Variants in OCA2 observed in about 807,000 individuals in gnomAD.
OCA2 encodes the protein P protein.
OCA2 carries 77 observed loss-of-function variants against 100.2 expected under a neutral mutation model. That is an observed-to-expected ratio of 0.77 (90% CI 0.64 to 0.93). The LOEUF is 0.93. Among genes scored for constraint, OCA2 ranks in the 40% least tolerant of loss-of-function variants. The pLI is 0.00. For synonymous variants in OCA2, 432 were observed against 439.2 expected, an observed-to-expected ratio of 0.98 and a Z score of 0.21; for missense variants, 1,062 against 1,089.1, an observed-to-expected ratio of 0.98 and a Z score of 0.35.
intron 19 of OCA2, among the ~76,000 whole-genome samples, chr15:27,876,124 G>C (rs1397933966): frequency 6.6e-6 from 1 of 152,066 alleles, no homozygotes; most frequent in Non-Finnish European, 1.5e-5. Flanking sequence ...TTTTCGCCAT[G>C]AAGTATAAGG....
chr15:28,067,724 T>C (rs1475624602), intron 2 of OCA2, among the ~76,000 whole-genome samples: 1 of 152,212 alleles, frequency 6.6e-6, no homozygotes, highest in East Asian at 1.9e-4. Flanking sequence ...TCGATTTCTT[T>C]TGAATTTATT....
chr15:27,734,286 C>CAAA, the OCA2 span, among the ~76,000 whole-genome samples: 2,452 of 76,282 alleles, frequency 0.032, 156 homozygotes, highest in African/African-American at 0.045. Context: ...TTTTCAAGAG[C>CAAA]AAAAAAAAAA....
At chr15:27,924,954 C>A (rs1228618383) in intron 19 of OCA2, among the ~76,000 whole-genome samples, 1 of 152,212 alleles carries the variant, frequency 6.6e-6, no homozygotes, top group East Asian at 1.9e-4. Context: ...ATACCAGTAT[C>A]AGGCAAATAG....
chr15:27,896,132 T>C, intron 19 of OCA2: 1 of 1,012,152 alleles, frequency 9.9e-7, no homozygotes, highest in African/African-American at 1.6e-5. Context: ...GCTATATGGA[T>C]GCAGGCCTTG....
chr15:27,789,345 CT>C (rs561149021), intron 23 of OCA2, among the ~76,000 whole-genome samples: 38 of 152,086 alleles, frequency 2.5e-4, no homozygotes, highest in African/African-American at 8.9e-4. Context: ...CTGGTCATAT[CT>C]TTTTTCAACA....
chr15:27,855,628 G>A (rs1219970481), intron 21 of OCA2, among the ~76,000 whole-genome samples: 1 of 152,136 alleles, frequency 6.6e-6, no homozygotes, highest in Non-Finnish European at 1.5e-5. Context: ...CCACTGGATG[G>A]GACCATGTTA....
chr15:28,065,770 T>G (rs2044005159), intron 2 of OCA2, among the ~76,000 whole-genome samples: 1 of 152,200 alleles, frequency 6.6e-6, no homozygotes, highest in African/African-American at 2.4e-5. Context: ...GAAGGCTCTC[T>G]ACTTATCTAA....
At chr15:28,054,386 A>C (rs1595886049) in intron 2 of OCA2, among the ~76,000 whole-genome samples, 1 of 152,074 alleles carries the variant, frequency 6.6e-6, no homozygotes, top group Non-Finnish European at 1.5e-5. Context: ...TCCTCTGGAG[A>C]TGGCCAAATG....
In OCA2 at chr15:27,983,612, G is replaced by T. The variant is rs114307179; in HGVS notation, c.1365-129C>A. 7.5e-4 allele frequency: 733 copies of T among 983,834 alleles called. 2 individuals carry two copies. In the African/African-American group the frequency reaches 0.011, roughly 14 times the overall value. 60.9% of individuals were successfully genotyped at this position (983,834 alleles called of 1,614,324 possible). ...GCGCACACACACACACCCCTGTGGG[G>T]AAGGCAGTGCTGGGGGGAATGAACA... On this transcript the variant is annotated intron_variant, in intron 13 of 23. Transcript: ENST00000354638.
intron 17 of OCA2, among the ~76,000 whole-genome samples, chr15:27,954,529 A>G (rs1305553592): frequency 6.6e-6 from 1 of 152,126 alleles, no homozygotes; most frequent in African/African-American, 2.4e-5. Flanking sequence ...GCCCATCAAA[A>G]TTAGAGTGGG....
At chr15:27,794,339 G>A (rs574333011) in intron 23 of OCA2, among the ~76,000 whole-genome samples, 141 of 152,272 alleles carry the variant, frequency 9.3e-4, no homozygotes, top group African/African-American at 3.2e-3. Context: ...GGAAGAGTGC[G>A]CTCAGGAGGA....
At chr15:27,832,894 CCT>C (rs1173308714) in intron 23 of OCA2, among the ~76,000 whole-genome samples, 2 of 148,418 alleles carry the variant, frequency 1.3e-5, no homozygotes, top group African/African-American at 4.9e-5. Flanking sequence ...GTCACTGCAC[CCT>C]CTGTTTCCCG....
chr15:28,027,231 G>A (rs1210212110), intron 4 of OCA2, among the ~76,000 whole-genome samples: 1 of 152,094 alleles, frequency 6.6e-6, no homozygotes, highest in Admixed American at 6.5e-5. Flanking sequence ...ACACGCATGC[G>A]TACTCCCACT....
intron 2 of OCA2, among the ~76,000 whole-genome samples, chr15:28,045,720 T>A (rs2043327963): frequency 6.6e-6 from 1 of 152,210 alleles, no homozygotes; most frequent in African/African-American, 2.4e-5. Flanking sequence ...CCAGAACTAC[T>A]TAAATCCAGG....
chr15:27,833,506 A>C (rs1262131305), intron 23 of OCA2, among the ~76,000 whole-genome samples: 1 of 152,250 alleles, frequency 6.6e-6, no homozygotes, highest in Non-Finnish European at 1.5e-5. Context: ...TAGTCCTTCT[A>C]AGTCTTTGAA....
At chr15:27,726,279 C>T in the OCA2 span, among the ~76,000 whole-genome samples, 1 of 151,594 alleles carries the variant, frequency 6.6e-6, no homozygotes, top group African/African-American at 2.4e-5. Context: ...GCCTGGGCGA[C>T]AGAGCGAGAC....
intron 19 of OCA2, among the ~76,000 whole-genome samples, chr15:27,906,052 G>A (rs1215817113): frequency 6.6e-6 from 1 of 152,186 alleles, no homozygotes; most frequent in African/African-American, 2.4e-5. Context: ...GAAATAAGGG[G>A]TTGTTTAATG....
intron 2 of OCA2, among the ~76,000 whole-genome samples, chr15:28,073,803 C>T (rs1033547586): frequency 6.6e-6 from 1 of 152,046 alleles, no homozygotes; most frequent in African/African-American, 2.4e-5. Flanking sequence ...ATGTATATAA[C>T]ATTATCAAAA....
rs1567020395 is a variant in OCA2 at position 27,848,941 on chromosome 15, C to CGTGCTGCCTGGGTTGGTGTG, written c.2338+2440_2338+2441insCACACCAACCCAGGCAGCAC. 9.7e-4 allele frequency among the ~76,000 whole-genome samples: 121 copies of CGTGCTGCCTGGGTTGGTGTG among 124,166 alleles called. 36 individuals are homozygous for CGTGCTGCCTGGGTTGGTGTG. Among genetic ancestry groups the CGTGCTGCCTGGGTTGGTGTG allele is most frequent in the African/African-American group, 3.4e-3 (89 of 26,516 alleles). 81.5% of individuals were successfully genotyped at this position (124,166 alleles called of 152,430 possible). ...GCCTGGATTGGTGTGAACACAGCCA[C>CGTGCTGCCTGGGTTGGTGTG]ATGCTGCCTGGATTGGTGTGAACAC... On this transcript the variant is annotated intron_variant, in intron 22 of 23. Transcript: ENST00000354638.
Sources: allele counts gnomAD v4.1 joint callset (sites outside exome capture counted in the v4.1 genomes callset), GRCh38; gene constraint gnomAD v4.1.1; transcripts MANE v1.5; gene names NCBI Gene and HGNC (gene_info 2026-07-23, HGNC 2026-07-21).